Variants in DAP3 observed in about 807,000 individuals in gnomAD.
DAP3 encodes death associated protein 3, also known as small ribosomal subunit protein mS29.
In DAP3, 28 loss-of-function variants were observed where a neutral mutation model predicts 51.9. That is an observed-to-expected ratio of 0.54 (90% CI 0.40 to 0.74). DAP3 has a LOEUF of 0.74. Among genes scored for constraint, DAP3 ranks in the 30% least tolerant of loss-of-function variants. The probability of loss-of-function intolerance (pLI) is 0.00; values close to 1 mark genes in which losing one functional copy is unlikely to be tolerated. For synonymous variants in DAP3, 170 were observed against 170.3 expected, an observed-to-expected ratio of 1.00 and a Z score of 0.01; for missense variants, 458 against 483.5, an observed-to-expected ratio of 0.95 and a Z score of 0.49.
At chr1:155,724,741 G>C (rs996410568) in intron 4 of DAP3, among the ~76,000 whole-genome samples, 6 of 152,044 alleles carry the variant, frequency 3.9e-5, no homozygotes, top group African/African-American at 1.4e-4. Flanking sequence ...GGTGTCACCT[G>C]AGGTCGGGAG....
intron 2 of DAP3, 27 bp downstream of exon 2, chr1:155,709,851 T>A (rs1233676097): frequency 1.8e-5 from 29 of 1,604,844 alleles, no homozygotes; most frequent in Non-Finnish European, 2.5e-5. Context: ...CTGAACACTC[T>A]GTGCATACTG....
At chr1:155,723,856 T>C (rs1446766813) in intron 4 of DAP3, among the ~76,000 whole-genome samples, 2 of 152,096 alleles carry the variant, frequency 1.3e-5, no homozygotes, top group Non-Finnish European at 2.9e-5. Flanking sequence ...CTGGCCAACA[T>C]GGTGAAACTC....
intron 1 of DAP3, among the ~76,000 whole-genome samples, chr1:155,702,397 C>T (rs1285197095): frequency 4.6e-5 from 7 of 151,764 alleles, no homozygotes; most frequent in African/African-American, 9.7e-5. Flanking sequence ...GGCGTGAACC[C>T]GGGAGGCAGA....
In DAP3 at chr1:155,721,516, G is replaced by T; in HGVS notation, c.169-1G>T. On this transcript the variant is annotated splice_acceptor_variant, in intron 3 of 12. Transcript: ENST00000368336. LOFTEE classifies it high-confidence loss of function. ...TACCTGTTTGCACTCTTATTTCCTAGGCCAAGCATGGGGATCAGCACGAGG... is the reference window on the plus strand; with the variant it reads ...TACCTGTTTGCACTCTTATTTCCTATGCCAAGCATGGGGATCAGCACGAGG... The T allele has an allele frequency of 6.2e-7, 1 of 1,613,496 alleles. No individual in the cohort carries two copies. Among genetic ancestry groups the T allele is most frequent in the Non-Finnish European group, 8.5e-7 (1 of 1,179,898 alleles).
At chr1:155,688,314 CA>C (rs1193067725), upstream of DAP3, 1 of 1,560,624 alleles carries the variant, frequency 6.4e-7, no homozygotes, top group Non-Finnish European at 8.7e-7. Flanking sequence ...AAAGCGAACC[CA>C]AAATGGCGGC....
intron 3 of DAP3, among the ~76,000 whole-genome samples, chr1:155,718,743 G>GATAGAT (rs1003549013): frequency 5.8e-5 from 8 of 139,124 alleles, no homozygotes; most frequent in Admixed American, 1.4e-4. Context: ...TAGATAGATA[G>GATAGAT]ATAGATATAG....
At chr1:155,715,301 C>T (rs1489582751) in intron 2 of DAP3, among the ~76,000 whole-genome samples, 12 of 151,216 alleles carry the variant, frequency 7.9e-5, no homozygotes, top group East Asian at 1.9e-4. Context: ...GCAGGAGGAT[C>T]GCGTGAGTGC....
chr1:155,737,654 C>T (rs1244002471), intron 12 of DAP3, among the ~76,000 whole-genome samples: 1 of 145,970 alleles, frequency 6.9e-6, no homozygotes, highest in Non-Finnish European at 1.5e-5. Context: ...AGGCCTGGTG[C>T]AGTGGCTCAC....
intron 1 of DAP3, among the ~76,000 whole-genome samples, chr1:155,708,708 T>TC (rs1656313026): frequency 1.4e-5 from 2 of 148,102 alleles, no homozygotes; most frequent in South Asian, 2.2e-4. Flanking sequence ...CTAATTTTTT[T>TC]TTTTTTTTTT....
intron 3 of DAP3, among the ~76,000 whole-genome samples, chr1:155,719,783 A>G (rs1194603328): frequency 6.7e-6 from 1 of 148,790 alleles, no homozygotes; most frequent in Non-Finnish European, 1.5e-5. Context: ...TCCTGACCTC[A>G]TAATCCACCC....
chr1:155,724,565 G>T (rs1275826956), intron 4 of DAP3, among the ~76,000 whole-genome samples: 1 of 149,894 alleles, frequency 6.7e-6, no homozygotes, highest in Non-Finnish European at 1.5e-5. Flanking sequence ...CCCCGGAGGC[G>T]GAGGTTGCAG....
At chr1:155,717,866 C>T (rs1275176383) in intron 3 of DAP3, among the ~76,000 whole-genome samples, 1 of 152,116 alleles carries the variant, frequency 6.6e-6, no homozygotes. Flanking sequence ...TCTAGTGTTG[C>T]ATTTTCTAGT....
intron 1 of DAP3, among the ~76,000 whole-genome samples, chr1:155,693,297 C>A (rs1342011345): frequency 7.0e-6 from 1 of 141,920 alleles, no homozygotes; most frequent in Non-Finnish European, 1.5e-5. Flanking sequence ...GAATGGGCGC[C>A]ATTCGGTTGG....
At position 155,732,077 on chromosome 1, in the gene DAP3, G is replaced by A. The variant is rs1659293928; in HGVS notation, c.993+44G>A. The A allele has an allele frequency of 2.0e-6, 3 of 1,481,982 alleles. No individual in the cohort carries two copies. The African/African-American group carries it at 4.3e-5, about 21-fold the overall frequency. The allele number at this position is 1,481,982 out of a possible 1,614,324, so 91.8% of individuals were successfully genotyped here. A position where few individuals can be genotyped will look rare whatever the true frequency, so the allele number is the denominator to read the frequency against. On this transcript the variant is annotated intron_variant, in intron 11 of 12. Coordinates refer to ENST00000368336, the MANE Select transcript of DAP3 (RefSeq NM_004632.4). ...TTGTTTCTACTTAGATTGTTATCCTGTTTAAAGAAAAATATTTTTATTAAT... is the reference window on the plus strand; with the variant it reads ...TTGTTTCTACTTAGATTGTTATCCTATTTAAAGAAAAATATTTTTATTAAT...
In DAP3 at chr1:155,731,874, T is replaced by A. The variant is rs961867357; in HGVS notation, c.904-70T>A. On this transcript the variant is annotated intron_variant, in intron 10 of 12. Coordinates refer to ENST00000368336, the MANE Select transcript of DAP3 (RefSeq NM_004632.4). ...ATGCCCAAGAAAGAAAAAAAAAATC[T>A]ACAGATGATTAATGCAGTTTTCCAT... is the stretch of plus-strand genomic sequence containing the variant. 3.4e-5 allele frequency: 49 copies of A among 1,457,540 alleles called. No individual in the cohort carries two copies. The Admixed American group carries it at 4.9e-4, about 15-fold the overall frequency. The allele number at this position is 1,457,540 out of a possible 1,614,324, so 90.3% of individuals were successfully genotyped here.
intron 3 of DAP3, among the ~76,000 whole-genome samples, chr1:155,717,921 C>T (rs761174903): frequency 5.9e-5 from 9 of 152,072 alleles, no homozygotes; most frequent in Admixed American, 2.0e-4. Context: ...TTGTTGCTGC[C>T]TCTCATAAAT....
intron 3 of DAP3, among the ~76,000 whole-genome samples, chr1:155,720,694 T>C (rs1657891629): frequency 6.7e-6 from 1 of 150,102 alleles, no homozygotes; most frequent in African/African-American, 2.4e-5. Context: ...CATAAAGACA[T>C]GAGTGAATAG....
At chr1:155,715,033 T>C (rs988228190) in intron 2 of DAP3, among the ~76,000 whole-genome samples, 2 of 151,658 alleles carry the variant, frequency 1.3e-5, no homozygotes, top group Non-Finnish European at 2.9e-5. Context: ...CAAAATCCTG[T>C]CTCTACTAAA....
At chr1:155,697,595 G>A (rs1654702650) in intron 1 of DAP3, among the ~76,000 whole-genome samples, 1 of 152,016 alleles carries the variant, frequency 6.6e-6, no homozygotes, top group African/African-American at 2.4e-5. Flanking sequence ...ATAGGGAGTG[G>A]GTCACAGAGG....
Sources: allele counts gnomAD v4.1 joint callset (sites outside exome capture counted in the v4.1 genomes callset), GRCh38; gene constraint gnomAD v4.1.1; transcripts MANE v1.5; gene names NCBI Gene and HGNC (gene_info 2026-07-23, HGNC 2026-07-21).